BRWD1: variants seen among roughly 807,000 people sequenced by gnomAD.
BRWD1 encodes bromodomain and WD repeat domain containing 1.
BRWD1 carries 82 observed loss-of-function variants against 251.2 expected under a neutral mutation model. The ratio of observed to expected loss-of-function variants is 0.33; its 90% CI spans 0.27 to 0.39. The LOEUF (loss-of-function observed/expected upper bound fraction) is 0.39. BRWD1 is among the 10% of genes least tolerant of loss of function. The pLI is 1.00. For synonymous variants in BRWD1, 918 were observed against 902.8 expected (o/e 1.02, Z -0.30); for missense variants, 2,233 against 2,711.6 (o/e 0.82, Z 3.92).
At chr21:39,313,139 G>A (rs747311634) in intron 2 of BRWD1, 38 bp from the exon 3 acceptor site, 34 of 1,495,074 alleles carry the variant, frequency 2.3e-5, no homozygotes, top group Admixed American at 1.1e-4. Flanking sequence ...GTGGGGTCGG[G>A]CCCGGGGCGC....
chr21:39,195,916 A>G lies in BRWD1; in HGVS notation c.*343T>C, dbSNP rs1461298724. The stretch of plus-strand genomic sequence containing the variant: ...TGCCTCTTTGACAAATTCAGAAAAT[A>G]ACTGCATGACACTTGCTGCCATGAA... On this transcript the variant is annotated 3_prime_UTR_variant, in exon 41 of 41. Transcript: ENST00000342449. The G allele has an allele frequency of 9.8e-5, 99 of 1,011,368 alleles. No individual in the cohort carries two copies. Among genetic ancestry groups the G allele is most frequent in the Non-Finnish European group, 1.1e-4 (92 of 847,726 alleles). 62.6% of individuals were successfully genotyped at this position (1,011,368 alleles called of 1,614,324 possible). A position where few individuals can be genotyped will look rare whatever the true frequency, so the allele number is the denominator to read the frequency against.
At chr21:39,265,381 C>T (rs886696448) in intron 15 of BRWD1, among the ~76,000 whole-genome samples, 1 of 152,152 alleles carries the variant, frequency 6.6e-6, no homozygotes, top group East Asian at 1.9e-4. Flanking sequence ...GCCAAGACTG[C>T]ACCACTGTAC....
chr21:39,208,914 G>C (rs531171031), intron 36 of BRWD1, among the ~76,000 whole-genome samples: 34 of 150,514 alleles, frequency 2.3e-4, no homozygotes, highest in African/African-American at 7.6e-4. Context: ...ACCTTCTACT[G>C]AAACTGCATG....
At chr21:39,228,440 T>A in intron 27 of BRWD1, 60 bp downstream of exon 27, 1 of 1,171,938 alleles carries the variant, frequency 8.5e-7, no homozygotes, top group Non-Finnish European at 1.3e-6. Context: ...GCCAAAAAGG[T>A]AGACCAATAA....
At position 39,199,144 on chromosome 21, in the gene BRWD1, C is replaced by T. The variant is rs2031976605; in HGVS notation, c.5272G>A (p.Glu1758Lys). The change falls in exon 40 of 41, where the codon GAA becomes AAA. Residue 1758 changes from glutamate to lysine, a missense_variant. Glu to Lys is a moderately conservative substitution (Grantham distance 56, BLOSUM62 1). Transcript: ENST00000342449. The stretch of plus-strand genomic sequence containing the variant: ...TCTGAATCATGACTTTTAGAGTCTT[C>T]CTCAGAAGACTCTATTTTAAGAAAT... ...TKFLKIESSE[E>K]DSKSHDSDHA... 2 of 1,613,562 alleles carry T rather than the reference C, an allele frequency of 1.2e-6. No homozygotes were observed. Among genetic ancestry groups the T allele is most frequent in the Non-Finnish European group, 1.7e-6 (2 of 1,179,702 alleles).
rs747366940 is a variant in BRWD1, at chr21:39,232,502, C to T, written c.2767-4G>A. On this transcript the variant is annotated splice_polypyrimidine_tract_variant and splice_region_variant and intron_variant, in intron 23 of 40. Coordinates refer to ENST00000342449, the MANE Select transcript of BRWD1 (RefSeq NM_033656.4). ...CTGGAGTCATCCTCCGCAAATTCTA[C>T]CAAGGGGAAGAGAACAAAGTTTCTT... 20 of 1,585,596 alleles carry T rather than the reference C, an allele frequency of 1.3e-5. No individual in the cohort carries two copies. In the East Asian group the frequency reaches 2.0e-4, roughly 16 times the overall value.
At chr21:39,316,895 C>T (rs755699910), upstream of BRWD1, 3 of 152,178 alleles carry the variant, frequency 2.0e-5, no homozygotes, top group Non-Finnish European at 4.4e-5. Flanking sequence ...CCCATGATCA[C>T]AGCACTGCTC....
chr21:39,318,522 C>G (rs768141288), upstream of BRWD1, among the ~76,000 whole-genome samples: 5 of 152,194 alleles, frequency 3.3e-5, no homozygotes, highest in Admixed American at 6.5e-5. Flanking sequence ...GAACACTATA[C>G]CACAAACTGG....
At chr21:39,204,300 A>G (rs2032285339) in intron 37 of BRWD1, among the ~76,000 whole-genome samples, 1 of 151,642 alleles carries the variant, frequency 6.6e-6, no homozygotes, top group Non-Finnish European at 1.5e-5. Context: ...TGAGATGCAT[A>G]GTGTAGTCCC....
chr21:39,232,070 A>G, intron 25 of BRWD1, 107 bp downstream of exon 25: 1 of 988,770 alleles, frequency 1.0e-6, no homozygotes, highest in African/African-American at 1.7e-5. Flanking sequence ...TCAAGTAGGA[A>G]AGAAAGTAAT....
Position 39,188,638 on chromosome 21 carries a change from C to A in BRWD1, c.*7621G>T, listed in dbSNP as rs1388478805. 14 of 985,292 alleles carry A rather than the reference C, an allele frequency of 1.4e-5. No individual in the cohort carries two copies. Among genetic ancestry groups the A allele is most frequent in the Non-Finnish European group, 1.7e-5 (14 of 829,928 alleles). 61.0% of individuals were successfully genotyped at this position (985,292 alleles called of 1,614,324 possible). A position where few individuals can be genotyped will look rare whatever the true frequency, so the allele number is the denominator to read the frequency against. ...GGACTGACATGTTCATACAGCTAGA[C>A]TAATGAGGCAGGCCTCTGCCCTCAC... On this transcript the variant is annotated 3_prime_UTR_variant, in exon 41 of 41. Transcript: ENST00000342449.
chr21:39,270,370 T>C lies in BRWD1; in HGVS notation c.1308A>G (p.Gln436=), dbSNP rs199912664. Residue 436 remains glutamine, a synonymous_variant, in exon 14 of 41, where the codon CAA becomes CAG. Transcript: ENST00000342449. ...CAGCTGTGACAACAATGCTATCATTTTGATTCCAAGCTATCATTGTTACTT... is the reference window on the plus strand; with the variant it reads ...CAGCTGTGACAACAATGCTATCATTCTGATTCCAAGCTATCATTGTTACTT... ...KPKVTMIAWN[Q]NDSIVVTAVN... 5.5e-5 allele frequency: 89 copies of C among 1,612,926 alleles called. No individual in the cohort carries two copies. The East Asian group carries it at 1.0e-3, about 19-fold the overall frequency.
chr21:39,298,801 G>T (rs1175525471), intron 4 of BRWD1, among the ~76,000 whole-genome samples: 3 of 151,618 alleles, frequency 2.0e-5, no homozygotes, highest in Non-Finnish European at 2.9e-5. Flanking sequence ...ATTTTTTTTT[G>T]TAGAAATTGA....
At chr21:39,203,499 C>T (rs938950626) in intron 37 of BRWD1, among the ~76,000 whole-genome samples, 4 of 143,602 alleles carry the variant, frequency 2.8e-5, no homozygotes, top group South Asian at 2.3e-4. Context: ...CTCCGCCTCC[C>T]GAGTTCACGC....
At chr21:39,218,071 C>A in intron 31 of BRWD1, 81 bp downstream of exon 31, 2 of 1,384,214 alleles carry the variant, frequency 1.4e-6, no homozygotes. Flanking sequence ...CCAATTCTAC[C>A]ACTATCTCTT....
At chr21:39,216,130 A>G (rs901002867) in intron 31 of BRWD1, among the ~76,000 whole-genome samples, 3 of 152,218 alleles carry the variant, frequency 2.0e-5, no homozygotes, top group Admixed American at 6.5e-5. Flanking sequence ...TGGACTCAAG[A>G]TGACTTTTTA....
upstream of BRWD1, chr21:39,313,635 A>C (rs1384708194): frequency 5.4e-6 from 3 of 555,488 alleles, no homozygotes; most frequent in East Asian, 1.2e-4. Context: ...CGCCGCCTGG[A>C]CCGACGCCTC....
In BRWD1 at chr21:39,255,642, A is replaced by C; in HGVS notation, c.2255+3T>G. 6 of 1,612,428 alleles carry C rather than the reference A, an allele frequency of 3.7e-6. No homozygotes were observed. Among genetic ancestry groups the C allele is most frequent in the Non-Finnish European group, 5.1e-6 (6 of 1,178,490 alleles). ...CATTATAAATAGATATCCTAAAACA[A>C]ACCTAAATATGCCTAGTGGTACCTC... On this transcript the variant is annotated splice_donor_region_variant and intron_variant, in intron 19 of 40. Coordinates refer to ENST00000342449, the MANE Select transcript of BRWD1 (RefSeq NM_033656.4).
intron 21 of BRWD1, among the ~76,000 whole-genome samples, chr21:39,246,474 A>G (rs2034192926): frequency 6.6e-6 from 1 of 152,224 alleles, no homozygotes. Flanking sequence ...TTAAAACATA[A>G]AACTTGCCAT....
Sources: gnomAD v4.1 joint callset for allele counts (sites outside exome capture counted in the v4.1 genomes callset) on GRCh38, gnomAD v4.1.1 for gene constraint, MANE v1.5 for transcripts, NCBI Gene and HGNC (gene_info 2026-07-23, HGNC 2026-07-21) for gene names.